The following DPP10 variants were observed in gnomAD, a reference collection of about 807,000 sequenced individuals.
DPP10 encodes inactive dipeptidyl peptidase 10.
A neutral mutation model predicts 120.9 loss-of-function variants in DPP10; 33 were observed. The observed-to-expected ratio is 0.27, with a 90% CI of 0.21 to 0.37. DPP10 has a LOEUF of 0.37. Among genes scored for constraint, DPP10 ranks in the 10% least tolerant of loss-of-function variants. The probability of loss-of-function intolerance (pLI) is 1.00; values close to 1 mark genes in which losing one functional copy is unlikely to be tolerated. For missense variants in DPP10, 816 were observed against 942.8 expected (o/e 0.87, Z 1.76); for synonymous variants, 337 against 326.1 (o/e 1.03, Z -0.36).
intron 3 of DPP10, among the ~76,000 whole-genome samples, chr2:115,418,065 G>T (rs1471305738): frequency 2.0e-5 from 3 of 152,192 alleles, no homozygotes; most frequent in Non-Finnish European, 4.4e-5. Flanking sequence ...CAGAAATCCA[G>T]CTGAAAGTCA....
intron 2 of DPP10, among the ~76,000 whole-genome samples, chr2:115,318,162 A>G (rs2061888342): frequency 6.6e-6 from 1 of 152,036 alleles, no homozygotes; most frequent in Non-Finnish European, 1.5e-5. Flanking sequence ...TTGCATGTGA[A>G]TAACCATTTC....
intron 1 of DPP10, among the ~76,000 whole-genome samples, chr2:114,751,463 A>C (rs1396770155): frequency 6.6e-6 from 1 of 152,150 alleles, no homozygotes; most frequent in African/African-American, 2.4e-5. Flanking sequence ...CCTTCTGTGG[A>C]CATCTAGGGA....
intron 5 of DPP10, among the ~76,000 whole-genome samples, chr2:115,656,648 CTG>C (rs1309831959): frequency 6.6e-6 from 1 of 151,608 alleles, no homozygotes; most frequent in East Asian, 1.9e-4. Context: ...ATAATGTAGA[CTG>C]TTATGAAGAA....
chr2:114,815,894 T>C (rs1484171601), intron 1 of DPP10, among the ~76,000 whole-genome samples: 1 of 151,624 alleles, frequency 6.6e-6, no homozygotes, highest in Non-Finnish European at 1.5e-5. Flanking sequence ...TTTTTTTTTT[T>C]TTTCCACTTC....
At chr2:115,393,385 TA>T (rs1453545102) in intron 3 of DPP10, among the ~76,000 whole-genome samples, 2 of 151,748 alleles carry the variant, frequency 1.3e-5, no homozygotes, top group Non-Finnish European at 2.9e-5. Context: ...ATGAAACTGG[TA>T]AAAATTGAAC....
intron 1 of DPP10, among the ~76,000 whole-genome samples, chr2:114,547,959 G>GC (rs1371280172): frequency 6.6e-6 from 1 of 152,086 alleles, no homozygotes; most frequent in Non-Finnish European, 1.5e-5. Context: ...TCATGCTGGT[G>GC]CCTTCTTCTG....
At chr2:115,433,632 T>C (rs2071213658) in intron 3 of DPP10, among the ~76,000 whole-genome samples, 1 of 152,022 alleles carries the variant, frequency 6.6e-6, no homozygotes, top group Non-Finnish European at 1.5e-5. Flanking sequence ...GATTTCACTT[T>C]AAAAATAGAA....
chr2:115,123,588 G>A (rs1486253450), intron 1 of DPP10, among the ~76,000 whole-genome samples: 3 of 152,166 alleles, frequency 2.0e-5, no homozygotes, highest in African/African-American at 7.2e-5. Context: ...AATCCTGAGA[G>A]CTTATCAGGA....
At position 115,617,555 on chromosome 2, in the gene DPP10, CTATGTTTAGA is replaced by C. The variant is rs944835581; in HGVS notation, c.442-72119_442-72110del. On this transcript the variant is annotated intron_variant, in intron 5 of 25. Coordinates refer to ENST00000410059, the MANE Select transcript of DPP10 (RefSeq NM_020868.6). Reference sequence around the variant, plus strand: ...ATAAGATATTTTTACTATATCTTTTCTATGTTTAGATATGTTTAGATACACAAATATTTAC... The same window carrying C: ...ATAAGATATTTTTACTATATCTTTTCTATGTTTAGATACACAAATATTTAC... 1.4e-3 allele frequency among the ~76,000 whole-genome samples: 205 copies of C among 151,678 alleles called. 2 individuals carry two copies. Among genetic ancestry groups the C allele is most frequent in the African/African-American group, 4.6e-3 (191 of 41,394 alleles).
intron 1 of DPP10, chr2:114,462,280 G>A: frequency 2.4e-6 from 1 of 409,702 alleles, no homozygotes; most frequent in Non-Finnish European, 3.3e-6. Flanking sequence ...TTGTCACAAT[G>A]AGGAATAAAC....
intron 1 of DPP10, among the ~76,000 whole-genome samples, chr2:115,158,801 A>T (rs538989978): frequency 6.6e-5 from 10 of 152,230 alleles, no homozygotes; most frequent in East Asian, 1.9e-4. Flanking sequence ...TCTTTTTTTT[A>T]AAAAACTCTC....
intron 1 of DPP10, among the ~76,000 whole-genome samples, chr2:115,225,316 T>C (rs1256105885): frequency 6.6e-6 from 1 of 151,986 alleles, no homozygotes; most frequent in Non-Finnish European, 1.5e-5. Flanking sequence ...TGCATGGTAC[T>C]CCATAATGGA....
intron 1 of DPP10, among the ~76,000 whole-genome samples, chr2:114,474,947 G>A (rs1171914135): frequency 6.6e-6 from 1 of 152,170 alleles, no homozygotes; most frequent in Admixed American, 6.6e-5. Context: ...GAGGAACCTG[G>A]AGGCCTTGCC....
At chr2:115,065,397 C>T (rs1299578811) in intron 1 of DPP10, among the ~76,000 whole-genome samples, 1 of 152,198 alleles carries the variant, frequency 6.6e-6, no homozygotes, top group East Asian at 1.9e-4. Context: ...ACCAGGTGGC[C>T]TCTGCCTTGC....
intron 1 of DPP10, among the ~76,000 whole-genome samples, chr2:114,703,438 CAT>C (rs1210599196): frequency 2.0e-5 from 3 of 152,076 alleles, no homozygotes; most frequent in Admixed American, 6.6e-5. Flanking sequence ...TTTTCACAGA[CAT>C]AAGTTTGTTT....
chr2:114,598,365 G>C (rs969554863), intron 1 of DPP10, among the ~76,000 whole-genome samples: 1 of 151,850 alleles, frequency 6.6e-6, no homozygotes, highest in African/African-American at 2.4e-5. Flanking sequence ...TTTAGGTTGG[G>C]AAAGAGGATG....
intron 1 of DPP10, among the ~76,000 whole-genome samples, chr2:114,901,442 C>T (rs777070564): frequency 4.6e-5 from 7 of 152,174 alleles, no homozygotes; most frequent in Admixed American, 6.5e-5. Flanking sequence ...GTGATCTGCC[C>T]GCCTTGGCCT....
At chr2:115,073,103 T>C (rs2104452751) in intron 1 of DPP10, among the ~76,000 whole-genome samples, 1 of 152,346 alleles carries the variant, frequency 6.6e-6, no homozygotes, top group Middle Eastern at 3.4e-3. Context: ...TTCTTTAAGA[T>C]AGAAATAGTA....
chr2:114,511,872 C>T (rs913843240), intron 1 of DPP10, among the ~76,000 whole-genome samples: 4 of 152,220 alleles, frequency 2.6e-5, no homozygotes, highest in Non-Finnish European at 5.9e-5. Context: ...CATACATTGT[C>T]TGTGAGCTTC....
Sources: gnomAD v4.1 joint callset for allele counts (sites outside exome capture counted in the v4.1 genomes callset) on GRCh38, gnomAD v4.1.1 for gene constraint, MANE v1.5 for transcripts, NCBI Gene and HGNC (gene_info 2026-07-23, HGNC 2026-07-21) for gene names.